Variants in DNAH1 observed in about 807,000 individuals in gnomAD.
The protein encoded by DNAH1 is dynein axonemal heavy chain 1, also known as axonemal beta dynein heavy chain 1.
DNAH1 carries 327 observed loss-of-function variants against 484.3 expected under a neutral mutation model. That is an observed-to-expected ratio of 0.68 (90% CI 0.62 to 0.74). The LOEUF is 0.74. DNAH1 is among the 30% of genes least tolerant of loss of function. The pLI is 0.00. For synonymous variants in DNAH1, 2,192 were observed against 2,191.9 expected (o/e 1.00, Z 0.00); for missense variants, 5,052 against 5,546.8 (o/e 0.91, Z 2.83).
At chr3:52,377,828 A>G (rs1383658010) in intron 46 of DNAH1, among the ~76,000 whole-genome samples, 1 of 150,788 alleles carries the variant, frequency 6.6e-6, no homozygotes, top group African/African-American at 2.4e-5. Flanking sequence ...CCCTCCCCGG[A>G]CCCCTCTCCT....
intron 70 of DNAH1, among the ~76,000 whole-genome samples, 196 bp from the exon 71 acceptor site, chr3:52,396,172 A>G (rs1414766407): frequency 4.6e-5 from 7 of 152,048 alleles, no homozygotes; most frequent in Non-Finnish European, 8.8e-5. Context: ...TGACCTCGTG[A>G]TTCGCCTGCC....
chr3:52,329,538 A>AT (rs1007040172), intron 6 of DNAH1, among the ~76,000 whole-genome samples: 2 of 152,160 alleles, frequency 1.3e-5, no homozygotes, highest in Non-Finnish European at 2.9e-5. Context: ...AAACAAAAAA[A>AT]ACCAGGGGGC....
rs117962797 is a variant in DNAH1 at position 52,382,679 on chromosome 3, C to T, written c.7941+224C>T. Among the ~76,000 whole-genome samples the T allele has an allele frequency of 8.0e-4, 122 of 152,292 alleles. 2 individuals are homozygous for T. In the East Asian group the frequency reaches 0.021, roughly 26 times the overall value. Reference sequence around the variant, plus strand: ...GTGGGGTATAGATCATCACTCATGCCCCGAAGGTAAAGAAGGCCCTGGTAG... The same window carrying T: ...GTGGGGTATAGATCATCACTCATGCTCCGAAGGTAAAGAAGGCCCTGGTAG... On this transcript the variant is annotated intron_variant, in intron 50 of 77. Coordinates refer to ENST00000420323, the MANE Select transcript of DNAH1 (RefSeq NM_015512.5).
intron 27 of DNAH1, 31 bp from the exon 28 acceptor site, chr3:52,360,280 T>C (rs751541704): frequency 2.5e-6 from 4 of 1,596,144 alleles, no homozygotes; most frequent in Non-Finnish European, 3.4e-6. Context: ...CATTGCCCCA[T>C]GGCCAGGCCC....
chr3:52,382,496 G>A (rs753999324), intron 50 of DNAH1, 41 bp downstream of exon 50: 8 of 1,609,012 alleles, frequency 5.0e-6, no homozygotes, highest in Non-Finnish European at 6.8e-6. Context: ...GGGGGGGCTG[G>A]ACACAACCCC....
chr3:52,386,104 C>T, intron 54 of DNAH1, 56 bp from the exon 55 acceptor site: 2 of 1,541,122 alleles, frequency 1.3e-6, no homozygotes, highest in African/African-American at 1.4e-5. Flanking sequence ...TCTGGGGAGA[C>T]TAAGATGCAG....
intron 46 of DNAH1, 112 bp downstream of exon 46, chr3:52,376,105 A>G (rs1371647778): frequency 2.2e-6 from 3 of 1,368,014 alleles, no homozygotes; most frequent in South Asian, 2.8e-5. Context: ...CCTCAGGTTC[A>G]TGCAGGGACC....
chr3:52,360,164 T>A, intron 27 of DNAH1, 85 bp downstream of exon 27: 1 of 1,586,764 alleles, frequency 6.3e-7, no homozygotes, highest in African/African-American at 1.3e-5. Flanking sequence ...AGCAATAAGC[T>A]GGTCTCTGTC....
At chr3:52,345,457 C>A (rs112464647) in intron 9 of DNAH1, 38 bp from the exon 10 acceptor site, 1 of 1,536,290 alleles carries the variant, frequency 6.5e-7, no homozygotes, top group Non-Finnish European at 8.8e-7. Flanking sequence ...TTTGGCCAGG[C>A]AGGGTCTGAT....
chr3:52,354,696 G>T, intron 20 of DNAH1, 147 bp from the exon 21 acceptor site: 1 of 674,820 alleles, frequency 1.5e-6, no homozygotes, highest in Non-Finnish European at 2.5e-6. Context: ...CACGGGACTT[G>T]TTGCCAGACA....
At chr3:52,328,054 C>T (rs780584370) in intron 6 of DNAH1, 40 bp downstream of exon 6, 1 of 1,598,568 alleles carries the variant, frequency 6.3e-7, no homozygotes, top group Non-Finnish European at 8.6e-7. Flanking sequence ...CTATCTCATT[C>T]CAGTAGCAGC....
chr3:52,331,758 G>A (rs1701564046), intron 7 of DNAH1, among the ~76,000 whole-genome samples: 1 of 150,848 alleles, frequency 6.6e-6, no homozygotes, highest in Non-Finnish European at 1.5e-5. Context: ...CCAAGTAACT[G>A]GGATTACAGG....
At chr3:52,398,211 T>C (rs757556706) in intron 75 of DNAH1, 49 bp downstream of exon 75, 1 of 1,557,772 alleles carries the variant, frequency 6.4e-7, no homozygotes, top group Non-Finnish European at 8.7e-7. Flanking sequence ...CACTGGACTG[T>C]AGAGAAATGA....
chr3:52,320,372 C>T (rs1172419226), intron 1 of DNAH1, among the ~76,000 whole-genome samples: 2 of 152,214 alleles, frequency 1.3e-5, no homozygotes, highest in Non-Finnish European at 2.9e-5. Context: ...TAGGGGAGGC[C>T]GGGCAGGCCC....
At position 52,346,622 on chromosome 3, in the gene DNAH1, G is replaced by A. The variant is rs1386899372; in HGVS notation, c.1807G>A (p.Val603Met). 6.2e-7 allele frequency: 1 copy of A among 1,614,078 alleles called. No homozygotes were observed. The highest frequency in any genetic ancestry group is 8.5e-7 in the Non-Finnish European group (1 of 1,179,900). Reference protein sequence around the residue: ...MSKLRKLMELVKYMLQDTLRF... With the variant: ...MSKLRKLMELMKYMLQDTLRF... ...CAAGCTGCGCAAGCTGATGGAGCTGGTGAAGTACATGCTGCAGGACACACT... is the reference window on the plus strand; with the variant it reads ...CAAGCTGCGCAAGCTGATGGAGCTGATGAAGTACATGCTGCAGGACACACT... Residue 603 changes from valine (V) to methionine (M), a missense_variant, in exon 11 of 78, where the codon GTG becomes ATG. Coordinates refer to ENST00000420323, the MANE Select transcript of DNAH1 (RefSeq NM_015512.5).
At chr3:52,374,931 A>G (rs1321260947) in intron 44 of DNAH1, 2 of 641,510 alleles carry the variant, frequency 3.1e-6, no homozygotes, top group Non-Finnish European at 5.2e-6. Flanking sequence ...GTTACTTGAA[A>G]TGTTTTTATA....
rs1333249319 is a variant in DNAH1 at position 52,362,076 on chromosome 3, C to G, written c.4980+310C>G. On this transcript the variant is annotated intron_variant, in intron 30 of 77. Transcript: ENST00000420323. The surrounding 1 kb of genome is among the most constrained non-coding windows in gnomAD (Gnocchi z 5.1). ...GGAGCTGAGAGGCTAGCAGTTATCC[C>G]CTCCCCCACTTCCCCTAGTCAGGCT... Among the ~76,000 whole-genome samples the G allele has an allele frequency of 6.6e-6, 1 of 152,234 alleles. No individual in the cohort carries two copies. The highest frequency in any genetic ancestry group is 2.4e-5 in the African/African-American group (1 of 41,460).
At position 52,369,978 on chromosome 3, in the gene DNAH1, T is replaced by C; in HGVS notation, c.6097T>C (p.Tyr2033His). 2 of 1,613,894 alleles carry C rather than the reference T, an allele frequency of 1.2e-6. No homozygotes were observed. Among genetic ancestry groups the C allele is most frequent in the Non-Finnish European group, 1.7e-6 (2 of 1,179,840 alleles). Residue 2033 changes from tyrosine to histidine, a missense_variant, in exon 38 of 78, where the codon TAT becomes CAT. This residue lies in a region of DNAH1 where 2,929 missense variants were observed against 3,409.4 expected (regional missense o/e 0.86). Transcript: ENST00000420323. Reference protein sequence around the residue: ...LRKLPPLLKPYEEHFKALFVS... With the variant: ...LRKLPPLLKPHEEHFKALFVS... ...GAAGCTGCCTCCCTTGCTGAAGCCC[T>C]ATGAGGAGCATTTCAAGGCCCTCTT...
chr3:52,391,745 T>C (rs1449599479), intron 63 of DNAH1, 142 bp downstream of exon 63: 9 of 980,342 alleles, frequency 9.2e-6, no homozygotes, highest in Non-Finnish European at 1.4e-5. Flanking sequence ...GCACTCACAT[T>C]CGAAGCCTTT....
Sources: allele counts gnomAD v4.1 joint callset (sites outside exome capture counted in the v4.1 genomes callset), GRCh38; gene constraint gnomAD v4.1.1; regional missense constraint gnomAD v4.1.1; non-coding constraint Gnocchi (gnomAD v3.1); transcripts MANE v1.5; gene names NCBI Gene and HGNC (gene_info 2026-07-23, HGNC 2026-07-21).